RASSF8: variants seen among roughly 807,000 people sequenced by gnomAD.
RASSF8 encodes ras association domain-containing protein 8.
RASSF8 carries 22 observed loss-of-function variants against 48.5 expected under a neutral mutation model. The observed-to-expected ratio is 0.45, with a 90% CI of 0.32 to 0.65. RASSF8 has a LOEUF of 0.65. Ranked by LOEUF, RASSF8 falls within the 30% of genes least tolerant of loss-of-function variation. RASSF8 has a pLI of 0.03. For synonymous variants in RASSF8, 127 were observed against 171.5 expected (o/e 0.74, Z 2.03); for missense variants, 418 against 489.2 (o/e 0.85, Z 1.37).
At chr12:26,054,731 G>GTT (rs993274677) in intron 2 of RASSF8, among the ~76,000 whole-genome samples, 2 of 150,486 alleles carry the variant, frequency 1.3e-5, no homozygotes, top group African/African-American at 4.9e-5. Context: ...ACAGGTAGCA[G>GTT]TTTTTTTGTT....
chr12:25,968,569 C>G (rs1263056404), intron 1 of RASSF8, among the ~76,000 whole-genome samples: 1 of 152,160 alleles, frequency 6.6e-6, no homozygotes, highest in Non-Finnish European at 1.5e-5. Flanking sequence ...GTCTGAAACT[C>G]CTGACCTCAG....
chr12:25,999,371 C>G (rs1344993930), intron 2 of RASSF8, among the ~76,000 whole-genome samples: 1 of 152,150 alleles, frequency 6.6e-6, no homozygotes, highest in Non-Finnish European at 1.5e-5. Context: ...TGAGATCAAG[C>G]TCAGCCAAAA....
chr12:26,058,753 G>A lies in RASSF8; in HGVS notation c.103+3307G>A, dbSNP rs143004167. Among the ~76,000 whole-genome samples, 4 of 152,334 alleles carry A rather than the reference G, an allele frequency of 2.6e-5. No homozygotes were observed. In the East Asian group the frequency reaches 7.7e-4, roughly 29 times the overall value. On this transcript the variant is annotated intron_variant, in intron 3 of 5. Coordinates refer to ENST00000689635, the MANE Select transcript of RASSF8 (RefSeq NM_001394098.1). The stretch of plus-strand genomic sequence containing the variant: ...ATCAAATTGAATTAGCAAAGAGCTA[G>A]AAACAACATAGTTTGATGAAAGATG...
At chr12:25,995,317 T>C (rs1412715740) in intron 2 of RASSF8, among the ~76,000 whole-genome samples, 187 bp downstream of exon 2, 1 of 152,198 alleles carries the variant, frequency 6.6e-6, no homozygotes, top group African/African-American at 2.4e-5. Context: ...GTGGTGATAG[T>C]ATCTGTTACC....
At position 26,070,634 on chromosome 12, in the gene RASSF8, T is replaced by G. The variant is rs1943979031; in HGVS notation, c.*1816T>G. Reference sequence around the variant, plus strand: ...AAAATTAGGATGATTAAAAAATAATTTATAGATTTTGTGACAGTAATGATT... The same window carrying G: ...AAAATTAGGATGATTAAAAAATAATGTATAGATTTTGTGACAGTAATGATT... On this transcript the variant is annotated 3_prime_UTR_variant, in exon 6 of 6. Transcript: ENST00000689635. The G allele has an allele frequency of 1.0e-6, 1 of 952,588 alleles. No homozygotes were observed. The highest frequency in any genetic ancestry group is 4.9e-5 in the South Asian group (1 of 20,596). 59.0% of individuals were successfully genotyped at this position (952,588 alleles called of 1,614,324 possible).
At chr12:26,007,370 C>T (rs2132317) in intron 2 of RASSF8, among the ~76,000 whole-genome samples, 12,419 of 152,252 alleles carry the variant, frequency 0.082, 853 homozygotes, top group East Asian at 0.27. Flanking sequence ...TAGTTGTTCT[C>T]CTCACTAGCA....
intron 5 of RASSF8, among the ~76,000 whole-genome samples, chr12:26,078,201 C>G (rs1027855532): frequency 2.6e-5 from 4 of 152,144 alleles, no homozygotes; most frequent in African/African-American, 9.7e-5. Flanking sequence ...AAGAGGAAGA[C>G]AGATGTTGAA....
intron 3 of RASSF8, among the ~76,000 whole-genome samples, chr12:26,063,954 T>C (rs1179409069): frequency 6.6e-6 from 1 of 152,128 alleles, no homozygotes; most frequent in African/African-American, 2.4e-5. Flanking sequence ...CCTGGGCACC[T>C]CCTGTGGCTG....
At chr12:26,024,019 A>G (rs867457945) in intron 2 of RASSF8, among the ~76,000 whole-genome samples, 3 of 152,220 alleles carry the variant, frequency 2.0e-5, no homozygotes, top group Non-Finnish European at 4.4e-5. Context: ...TTTGATAGTC[A>G]AATAATTCTA....
intron 3 of RASSF8, among the ~76,000 whole-genome samples, chr12:26,058,208 A>C (rs180830550): frequency 6.6e-6 from 1 of 152,234 alleles, no homozygotes. Flanking sequence ...AACTTGGCCA[A>C]ACAACTCTTT....
At chr12:26,015,850 AT>A (rs60404522) in intron 2 of RASSF8, among the ~76,000 whole-genome samples, 56,871 of 151,620 alleles carry the variant, frequency 0.38, 11,277 homozygotes, top group Non-Finnish European at 0.45. Context: ...TTTTTTCTTT[AT>A]TGATAAGAAT....
At chr12:25,998,727 A>G (rs551714238) in intron 2 of RASSF8, among the ~76,000 whole-genome samples, 1 of 152,146 alleles carries the variant, frequency 6.6e-6, no homozygotes, top group Non-Finnish European at 1.5e-5. Context: ...GAAGTTAAAA[A>G]TTCTCAAAGA....
intron 1 of RASSF8, among the ~76,000 whole-genome samples, chr12:25,980,026 G>C (rs1244771751): frequency 2.6e-5 from 4 of 152,226 alleles, no homozygotes; most frequent in African/African-American, 9.6e-5. Flanking sequence ...AAAATTCAGA[G>C]TGGTAGTTAC....
intron 1 of RASSF8, among the ~76,000 whole-genome samples, chr12:25,962,014 A>G (rs889981552): frequency 2.0e-5 from 3 of 151,798 alleles, no homozygotes; most frequent in Non-Finnish European, 4.4e-5. Context: ...TCCTGCACAC[A>G]CTCTGCACCC....
intron 1 of RASSF8, among the ~76,000 whole-genome samples, chr12:25,980,968 A>G (rs947964114): frequency 6.6e-6 from 1 of 152,128 alleles, no homozygotes; most frequent in African/African-American, 2.4e-5. Context: ...CCAGTAGAAA[A>G]TAGGCAATGG....
At chr12:25,998,832 G>A (rs770792966) in intron 2 of RASSF8, among the ~76,000 whole-genome samples, 52 of 151,908 alleles carry the variant, frequency 3.4e-4, no homozygotes, top group Non-Finnish European at 6.6e-4. Flanking sequence ...TAAATAGGGA[G>A]AGTTCATGGC....
At chr12:26,021,077 C>T (rs1328620720) in intron 2 of RASSF8, among the ~76,000 whole-genome samples, 1 of 152,092 alleles carries the variant, frequency 6.6e-6, no homozygotes, top group Non-Finnish European at 1.5e-5. Flanking sequence ...TTCCTTCTTT[C>T]TATACCTAAA....
At chr12:26,066,883 G>T (rs2137315002) in intron 4 of RASSF8, among the ~76,000 whole-genome samples, 1 of 152,324 alleles carries the variant, frequency 6.6e-6, no homozygotes, top group South Asian at 2.1e-4. Flanking sequence ...GCCCCTCCTT[G>T]CTTTTACAGC....
At chr12:26,029,323 T>C (rs1942981221) in intron 2 of RASSF8, among the ~76,000 whole-genome samples, 1 of 152,212 alleles carries the variant, frequency 6.6e-6, no homozygotes, top group African/African-American at 2.4e-5. Flanking sequence ...ACCCATGTTA[T>C]TTTTTATTGT....
Sources: gnomAD v4.1 joint callset for allele counts (sites outside exome capture counted in the v4.1 genomes callset) on GRCh38, gnomAD v4.1.1 for gene constraint, MANE v1.5 for transcripts, NCBI Gene and HGNC (gene_info 2026-07-23, HGNC 2026-07-21) for gene names.